TRAPPC11: variants seen among roughly 807,000 people sequenced by gnomAD.
The protein encoded by TRAPPC11 is foie gras homolog.
Under a neutral mutation model 151.2 loss-of-function variants are expected in TRAPPC11, and 104 were observed. The ratio of observed to expected loss-of-function variants is 0.69; its 90% CI spans 0.59 to 0.81. The LOEUF is 0.81. TRAPPC11 is among the 30% of genes least tolerant of loss of function. The pLI, the probability that TRAPPC11 is intolerant of heterozygous loss-of-function variation, is 0.00. For missense variants in TRAPPC11, 1,230 were observed against 1,349.6 expected, an observed-to-expected ratio of 0.91 and a Z score of 1.39; for synonymous variants, 456 against 472.3, an observed-to-expected ratio of 0.97 and a Z score of 0.45.
At chr4:183,669,163 G>A (rs7685064) in intron 5 of TRAPPC11, among the ~76,000 whole-genome samples, 74,646 of 152,140 alleles carry the variant, frequency 0.49, 18,886 homozygotes, top group African/African-American at 0.62. Flanking sequence ...TACACTGGAA[G>A]CAGTAAACAG....
chr4:183,711,366 T>C lies in TRAPPC11; in HGVS notation c.3358-1234T>C, dbSNP rs991558662. ...GCGACTGCCATACCAGACAGTGACG[T>C]CCTAGGCAAGGATGAATCCATACTT... On this transcript the variant is annotated intron_variant, in intron 29 of 29. Transcript: ENST00000334690. Among the ~76,000 whole-genome samples the C allele has an allele frequency of 3.3e-5, 5 of 152,354 alleles. No homozygotes were observed. In the East Asian group the frequency reaches 7.7e-4, roughly 23 times the overall value.
chr4:183,701,810 T>C lies in TRAPPC11; in HGVS notation c.2963+2T>C. The stretch of plus-strand genomic sequence containing the variant: ...GCATTATATTATCTCTTGGAAAAGG[T>C]AAGAATTATGTCAATCCTGTCTTTT... On this transcript the variant is annotated splice_donor_variant, in intron 26 of 29. Transcript: ENST00000334690. LOFTEE classifies it high-confidence loss of function. The C allele has an allele frequency of 6.4e-7, 1 of 1,570,994 alleles. No homozygotes were observed. The highest frequency in any genetic ancestry group is 2.2e-5 in the East Asian group (1 of 44,662).
At chr4:183,663,525 G>A (rs758721781) in intron 1 of TRAPPC11, among the ~76,000 whole-genome samples, 13 of 151,958 alleles carry the variant, frequency 8.6e-5, no homozygotes, top group Admixed American at 2.6e-4. Context: ...GAGTCACCAC[G>A]ACCAACCAAT....
intron 16 of TRAPPC11, 53 bp from the exon 17 acceptor site, chr4:183,685,218 G>C: frequency 6.2e-7 from 1 of 1,609,416 alleles, no homozygotes; most frequent in Non-Finnish European, 8.5e-7. Flanking sequence ...ACTAATCCAA[G>C]TAGTGGTTTT....
At chr4:183,691,684 A>C (rs1736267939) in intron 19 of TRAPPC11, among the ~76,000 whole-genome samples, 1 of 152,158 alleles carries the variant, frequency 6.6e-6, no homozygotes, top group Admixed American at 6.5e-5. Context: ...TAAAAAATTG[A>C]GAATATACTG....
In TRAPPC11 at chr4:183,697,538, TG is replaced by T; in HGVS notation, c.2665del (p.Asp889MetfsTer25). On this transcript the variant is annotated frameshift_variant, in exon 24 of 30. Transcript: ENST00000334690. LOFTEE classifies it high-confidence loss of function. ...TVTIETVFPF[D>X]VAVKFVSTKF... ...TAACAATTGAAACAGTCTTTCCATT[TG>T]ATGTTGCGGTTAAATTTGTTTCTAC... 2 of 1,604,814 alleles carry T rather than the reference TG, an allele frequency of 1.2e-6. No homozygotes were observed. The highest frequency in any genetic ancestry group is 1.7e-6 in the Non-Finnish European group (2 of 1,178,118).
Position 183,701,809 on chromosome 4 carries a change from G to T in TRAPPC11, c.2963+1G>T, listed in dbSNP as rs781025780. The T allele has an allele frequency of 6.3e-7, 1 of 1,579,576 alleles. No homozygotes were observed. Among genetic ancestry groups the T allele is most frequent in the Non-Finnish European group, 8.7e-7 (1 of 1,148,598 alleles). On this transcript the variant is annotated splice_donor_variant, in intron 26 of 29. Transcript: ENST00000334690. LOFTEE classifies it high-confidence loss of function. ...GGCATTATATTATCTCTTGGAAAAG[G>T]TAAGAATTATGTCAATCCTGTCTTT...
At chr4:183,684,548 G>C in intron 14 of TRAPPC11, 148 bp from the exon 15 acceptor site, 1 of 1,003,242 alleles carries the variant, frequency 1.0e-6, no homozygotes, top group Non-Finnish European at 1.5e-6. Context: ...GAAATCTCAC[G>C]TTTAGCTAAA....
intron 2 of TRAPPC11, among the ~76,000 whole-genome samples, chr4:183,665,125 C>A (rs575914736): frequency 8.3e-6 from 1 of 120,414 alleles, no homozygotes; most frequent in African/African-American, 3.3e-5. Flanking sequence ...GACGGAGTCT[C>A]GCTCTGTCCC....
In TRAPPC11 at chr4:183,677,493, T is replaced by G. The variant is rs2111340189; in HGVS notation, c.770T>G (p.Leu257Trp). The G allele has an allele frequency of 1.3e-5, 21 of 1,609,070 alleles. No homozygotes were observed. Among genetic ancestry groups the G allele is most frequent in the Non-Finnish European group, 1.8e-5 (21 of 1,175,692 alleles). The part of the protein sequence containing the change: ...YRTAYNLVHE[L>W]RAHETNILEI... ...ACCGCCTATAATCTTGTACACGAATTGAGAGCCCATGAAACTAATATTCTG... is the reference window on the plus strand; with the variant it reads ...ACCGCCTATAATCTTGTACACGAATGGAGAGCCCATGAAACTAATATTCTG... The change falls in exon 8 of 30, where the codon TTG becomes TGG. Residue 257 changes from leucine to tryptophan, a missense_variant. Leu to Trp is a moderately conservative substitution (Grantham distance 61). Coordinates refer to ENST00000334690, the MANE Select transcript of TRAPPC11 (RefSeq NM_021942.6).
At chr4:183,704,630 G>A (rs917236848) in intron 26 of TRAPPC11, among the ~76,000 whole-genome samples, 1 of 151,444 alleles carries the variant, frequency 6.6e-6, no homozygotes, top group African/African-American at 2.4e-5. Context: ...TAGCTAACAC[G>A]GTGAAACCCC....
chr4:183,710,551 G>A (rs759244734), intron 29 of TRAPPC11, among the ~76,000 whole-genome samples: 13 of 151,478 alleles, frequency 8.6e-5, no homozygotes, highest in Admixed American at 2.0e-4. Context: ...CTCCTAAAGT[G>A]CTGGGATTAC....
At chr4:183,687,546 C>G (rs1426964127) in intron 18 of TRAPPC11, among the ~76,000 whole-genome samples, 1 of 151,998 alleles carries the variant, frequency 6.6e-6, no homozygotes, top group Non-Finnish European at 1.5e-5. Flanking sequence ...CCAAGCTGGT[C>G]TTGAACTCCT....
At chr4:183,670,304 T>C (rs1735090560) in intron 5 of TRAPPC11, among the ~76,000 whole-genome samples, 1 of 152,234 alleles carries the variant, frequency 6.6e-6, no homozygotes, top group Non-Finnish European at 1.5e-5. Flanking sequence ...ATCTTTTGTA[T>C]TGGAGAAGTT....
At chr4:183,669,413 T>A (rs918778471) in intron 5 of TRAPPC11, among the ~76,000 whole-genome samples, 2 of 152,176 alleles carry the variant, frequency 1.3e-5, no homozygotes, top group African/African-American at 4.8e-5. Flanking sequence ...AGCTCACCAT[T>A]GACTCTGCAC....
In TRAPPC11 at chr4:183,663,877, A is replaced by G. The variant is rs1734696860; in HGVS notation, c.10A>G (p.Thr4Ala). 1 of 1,613,616 alleles carries G rather than the reference A, an allele frequency of 6.2e-7. No individual in the cohort carries two copies. The highest frequency in any genetic ancestry group is 1.3e-5 in the African/African-American group (1 of 74,974). Residue 4 changes from threonine (T) to alanine (A), a missense_variant, in exon 2 of 30, where the codon ACA (threonine) becomes GCA (alanine). Transcript: ENST00000334690. Reference protein sequence around the residue: MSPTQWDFPVELCC... With the variant: MSPAQWDFPVELCC... ...TTGTGACATCGTAAACATGAGCCCC[A>G]CACAGTGGGACTTCCCTGTGGAATT...
rs372771070 is a variant in TRAPPC11 at position 183,693,637 on chromosome 4, C to A, written c.2286C>A (p.Pro762=). Residue 762 remains proline (P), a synonymous_variant, in exon 21 of 30, where the codon CCC becomes CCA. Coordinates refer to ENST00000334690, the MANE Select transcript of TRAPPC11 (RefSeq NM_021942.6). The part of the protein sequence containing the change: ...PNISVHLLHE[P]PALTNEMYCL... ...TTTCTGTACATCTGCTACATGAACC[C>A]CCTGCACTGACTAATGAAATGTATT... The A allele has an allele frequency of 1.9e-6, 3 of 1,613,890 alleles. No individual in the cohort carries two copies. The African/African-American group carries it at 4.0e-5, about 22-fold the overall frequency.
Position 183,697,511 on chromosome 4 carries a change from T to G in TRAPPC11, c.2637T>G (p.Thr879=), listed in dbSNP as rs148799732. ...EIVCKCHKDE[T]VTIETVFPFD... ...TTTACATTTTCTTGCAGGATGAAAC[T>G]GTAACAATTGAAACAGTCTTTCCAT... Residue 879 remains threonine, a synonymous_variant, in exon 24 of 30, where the codon ACT becomes ACG. Coordinates refer to ENST00000334690, the MANE Select transcript of TRAPPC11 (RefSeq NM_021942.6). 1.9e-4 allele frequency: 305 copies of G among 1,598,422 alleles called. No individual in the cohort carries two copies. Among genetic ancestry groups the G allele is most frequent in the Non-Finnish European group, 2.5e-4 (291 of 1,176,700 alleles).
At chr4:183,680,032 T>C in intron 9 of TRAPPC11, 88 bp from the exon 10 acceptor site, 2 of 1,115,060 alleles carry the variant, frequency 1.8e-6, no homozygotes, top group Non-Finnish European at 2.6e-6. Context: ...CACAGTCTGC[T>C]GAGGTTAAGT....
Sources: gnomAD v4.1 joint callset for allele counts (sites outside exome capture counted in the v4.1 genomes callset) on GRCh38, gnomAD v4.1.1 for gene constraint, MANE v1.5 for transcripts, NCBI Gene and HGNC (gene_info 2026-07-23, HGNC 2026-07-21) for gene names.